CCDC158: variants seen among roughly 807,000 people sequenced by gnomAD.
The protein encoded by CCDC158 is coiled-coil domain-containing protein 158.
CCDC158 carries 116 observed loss-of-function variants against 138.6 expected under a neutral mutation model. That is an observed-to-expected ratio of 0.84 (90% confidence interval 0.72 to 0.98). CCDC158 has a LOEUF of 0.98. Ranked by LOEUF, CCDC158 falls within the 50% of genes least tolerant of loss-of-function variation. CCDC158 has a pLI of 0.00. For missense variants in CCDC158, 1,265 were observed against 1,306.1 expected (o/e 0.97, Z 0.48); for synonymous variants, 436 against 442.4 (o/e 0.99, Z 0.18).
At chr4:76,337,595 G>A (rs1334216824) in intron 18 of CCDC158, among the ~76,000 whole-genome samples, 1 of 152,016 alleles carries the variant, frequency 6.6e-6, no homozygotes, top group East Asian at 1.9e-4. Context: ...AGCTGGATGT[G>A]GTAGTGCACG....
intron 3 of CCDC158, among the ~76,000 whole-genome samples, chr4:76,398,097 G>T (rs548479917): frequency 6.6e-6 from 1 of 152,250 alleles, no homozygotes; most frequent in African/African-American, 2.4e-5. Flanking sequence ...AAAAACAAAA[G>T]ATGGTTCTAT....
chr4:76,367,436 A>G lies in CCDC158; in HGVS notation c.1688T>C (p.Val563Ala). Residue 563 changes from valine (V) to alanine (A), a missense_variant, in exon 12 of 25, where the codon GTG (valine) becomes GCG (alanine). Physicochemically the swap from Val to Ala is moderately conservative, Grantham distance 64. Coordinates refer to ENST00000682701, the MANE Select transcript of CCDC158 (RefSeq NM_001394954.1). ...LKLQMTEKDKVIEILRQQIEN... is the reference protein window; with the variant it reads ...LKLQMTEKDKAIEILRQQIEN... ...AATCTGCTGTCGCAGAATCTCGATC[A>G]CCTTGTCCTTCTCTGTCATCTGCAG... 1.2e-6 allele frequency: 2 copies of G among 1,614,148 alleles called. No individual in the cohort carries two copies. The highest frequency in any genetic ancestry group is 1.7e-6 in the Non-Finnish European group (2 of 1,180,024).
chr4:76,408,240 G>T, intron 2 of CCDC158, among the ~76,000 whole-genome samples: 1 of 151,584 alleles, frequency 6.6e-6, no homozygotes, highest in Non-Finnish European at 1.5e-5. Context: ...ACAACGTGCA[G>T]GTTTGTTACA....
At chr4:76,371,565 T>C in intron 9 of CCDC158, 29 bp from the exon 10 acceptor site, 4 of 1,612,432 alleles carry the variant, frequency 2.5e-6, no homozygotes, top group Non-Finnish European at 3.4e-6. Flanking sequence ...TTGAACAGTG[T>C]CTGATTATGA....
intron 12 of CCDC158, among the ~76,000 whole-genome samples, chr4:76,365,099 T>C (rs1382218005): frequency 1.3e-5 from 2 of 152,320 alleles, no homozygotes; most frequent in African/African-American, 2.4e-5. Context: ...GGCCAGCTGA[T>C]AGAATTCAGT....
chr4:76,408,180 A>G (rs1046726611), intron 2 of CCDC158, among the ~76,000 whole-genome samples: 8 of 148,674 alleles, frequency 5.4e-5, no homozygotes, highest in South Asian at 4.2e-4. Flanking sequence ...ACATATATGT[A>G]TATATATATA....
intron 24 of CCDC158, among the ~76,000 whole-genome samples, chr4:76,322,772 T>C (rs1296506471): frequency 6.6e-6 from 1 of 152,240 alleles, no homozygotes; most frequent in Non-Finnish European, 1.5e-5. Flanking sequence ...CTGCTGGTCA[T>C]CTGCAGATTA....
intron 4 of CCDC158, among the ~76,000 whole-genome samples, chr4:76,386,947 CA>C (rs1170567646): frequency 6.6e-6 from 1 of 152,190 alleles, no homozygotes; most frequent in Non-Finnish European, 1.5e-5. Flanking sequence ...CTCACCACCA[CA>C]TGCTGAAATG....
Position 76,397,058 on chromosome 4 carries a change from C to G in CCDC158, c.71-572G>C, listed in dbSNP as rs540245762. 2.7e-5 allele frequency among the ~76,000 whole-genome samples: 4 copies of G among 148,674 alleles called. No individual in the cohort carries two copies. In the South Asian group the frequency reaches 8.3e-4, roughly 31 times the overall value. ...GAGTGAAATGTAAATAATTTGTGAT[C>G]GGGGGCAAACTGGTGGTGGTTTTAA... On this transcript the variant is annotated intron_variant, in intron 3 of 24. Coordinates refer to ENST00000682701, the MANE Select transcript of CCDC158 (RefSeq NM_001394954.1).
At chr4:76,313,990 T>TTTTC (rs371498982) in intron 24 of CCDC158, among the ~76,000 whole-genome samples, 13 of 152,164 alleles carry the variant, frequency 8.5e-5, no homozygotes, top group South Asian at 6.2e-4. Flanking sequence ...AAACATCCTT[T>TTTTC]TTTCTTTCTT....
Position 76,362,239 on chromosome 4 carries a change from T to G in CCDC158, c.1907A>C (p.Lys636Thr). 6.2e-7 allele frequency: 1 copy of G among 1,614,182 alleles called. No individual in the cohort carries two copies. Among genetic ancestry groups the G allele is most frequent in the Non-Finnish European group, 8.5e-7 (1 of 1,180,030 alleles). Reference sequence around the variant, plus strand: ...CCGCTCAGAGCCTGCATTCACCAGCTTCACCTTTTCCAGCTCCAAGTCACT... The same window carrying G: ...CCGCTCAGAGCCTGCATTCACCAGCGTCACCTTTTCCAGCTCCAAGTCACT... ...RVSDLELEKVKLVNAGSERLR... is the reference protein window; with the variant it reads ...RVSDLELEKVTLVNAGSERLR... The change falls in exon 13 of 25, where the codon AAG becomes ACG. Residue 636 changes from lysine to threonine, a missense_variant. Coordinates refer to ENST00000682701, the MANE Select transcript of CCDC158 (RefSeq NM_001394954.1).
chr4:76,367,813 G>A (rs1216509975), intron 11 of CCDC158, 37 bp from the exon 12 acceptor site: 1 of 1,566,280 alleles, frequency 6.4e-7, no homozygotes, highest in African/African-American at 1.4e-5. Context: ...ATAGATTTGG[G>A]AGGATAGGTA....
intron 18 of CCDC158, among the ~76,000 whole-genome samples, chr4:76,342,198 T>C (rs948351728): frequency 6.6e-6 from 1 of 151,658 alleles, no homozygotes; most frequent in Admixed American, 6.5e-5. Flanking sequence ...TGCCAACATG[T>C]CTGAATAATT....
At chr4:76,330,688 A>G (rs1191990117) in intron 21 of CCDC158, among the ~76,000 whole-genome samples, 3 of 152,220 alleles carry the variant, frequency 2.0e-5, no homozygotes, top group Non-Finnish European at 4.4e-5. Flanking sequence ...AACTATTTAC[A>G]TAGCATTTAC....
rs1475347827 is a variant in CCDC158, at chr4:76,313,102, C to T, written c.*68G>A. 2.2e-6 allele frequency: 2 copies of T among 906,658 alleles called. No homozygotes were observed. The highest frequency in any genetic ancestry group is 3.4e-5 in the African/African-American group (2 of 58,752). The allele number at this position is 906,658 out of a possible 1,614,324, so 56.2% of individuals were successfully genotyped here. ...ACATAAAAAGAAAAAGTACACAGGG[C>T]ACTAATTACGAGTAACACCACAATT... On this transcript the variant is annotated 3_prime_UTR_variant, in exon 25 of 25. Transcript: ENST00000682701.
chr4:76,337,079 C>CAATT (rs1474490583), intron 18 of CCDC158, among the ~76,000 whole-genome samples: 1 of 152,158 alleles, frequency 6.6e-6, no homozygotes, highest in African/African-American at 2.4e-5. Context: ...CTCTCAGGCT[C>CAATT]AATTGATCAT....
At chr4:76,315,257 AAGCCCTACACAAGGAGAGT>A (rs1163080676) in intron 24 of CCDC158, among the ~76,000 whole-genome samples, 1 of 152,218 alleles carries the variant, frequency 6.6e-6, no homozygotes, top group Admixed American at 6.5e-5. Flanking sequence ...TGGCCACGGC[AAGCCCTACACAAGGAGAGT>A]CTGAGCTCAG....
chr4:76,421,362 C>A (rs1268704135), upstream of CCDC158, among the ~76,000 whole-genome samples: 1 of 152,108 alleles, frequency 6.6e-6, no homozygotes, highest in Non-Finnish European at 1.5e-5. Context: ...CCCACCACCG[C>A]CCGGGCGCCC....
At chr4:76,356,186 G>A (rs949695605) in intron 14 of CCDC158, among the ~76,000 whole-genome samples, 1 of 151,998 alleles carries the variant, frequency 6.6e-6, no homozygotes, top group Non-Finnish European at 1.5e-5. Flanking sequence ...CAGAATGAAA[G>A]GTCTGACTTC....
Sources: allele counts gnomAD v4.1 joint callset (sites outside exome capture counted in the v4.1 genomes callset), GRCh38; gene constraint gnomAD v4.1.1; transcripts MANE v1.5; gene names NCBI Gene and HGNC (gene_info 2026-07-23, HGNC 2026-07-21).